KLF12: variants seen among roughly 807,000 people sequenced by gnomAD.
KLF12 encodes KLF transcription factor 12.
Under a neutral mutation model 37.8 loss-of-function variants are expected in KLF12, and 9 were observed. That is an observed-to-expected ratio of 0.24 (90% confidence interval 0.14 to 0.42). The LOEUF (loss-of-function observed/expected upper bound fraction) is 0.42, where lower values mean the gene tolerates loss of function less well. KLF12 is among the 10% of genes least tolerant of loss of function. The pLI, the probability that KLF12 is intolerant of heterozygous loss-of-function variation, is 1.00. For synonymous variants in KLF12, 208 were observed against 202.1 expected, an observed-to-expected ratio of 1.03 and a Z score of -0.25; for missense variants, 411 against 516.0, an observed-to-expected ratio of 0.80 and a Z score of 1.97.
chr13:74,197,859 C>T, the KLF12 span, among the ~76,000 whole-genome samples: 1 of 152,106 alleles, frequency 6.6e-6, no homozygotes, highest in South Asian at 2.1e-4. Context: ...GGCAGTCATC[C>T]CTCCAGGAGG....
the KLF12 span, among the ~76,000 whole-genome samples, chr13:74,154,410 T>C: frequency 7.9e-5 from 12 of 152,292 alleles, no homozygotes; most frequent in African/African-American, 2.9e-4. Flanking sequence ...ACATCTTTGT[T>C]CGATTTTTGT....
At chr13:73,758,243 T>C (rs1053651837) in intron 6 of KLF12, among the ~76,000 whole-genome samples, 2 of 152,050 alleles carry the variant, frequency 1.3e-5, no homozygotes, top group African/African-American at 4.8e-5. Context: ...AGGAAGAGGT[T>C]TGGGATGGAG....
At chr13:74,151,833 A>G in the KLF12 span, among the ~76,000 whole-genome samples, 1 of 152,234 alleles carries the variant, frequency 6.6e-6, no homozygotes, top group African/African-American at 2.4e-5. Context: ...GACATTAAGA[A>G]TAAAGATCAC....
intron 5 of KLF12, among the ~76,000 whole-genome samples, chr13:73,802,360 T>C (rs1004989258): frequency 1.3e-5 from 2 of 152,150 alleles, no homozygotes; most frequent in African/African-American, 4.8e-5. Flanking sequence ...AGTGTAATAG[T>C]TATTTTTGAC....
At chr13:73,844,278 G>C (rs1884902161) in intron 4 of KLF12, among the ~76,000 whole-genome samples, 1 of 152,090 alleles carries the variant, frequency 6.6e-6, no homozygotes, top group Non-Finnish European at 1.5e-5. Context: ...ATAAATATCT[G>C]ATTTGGCCTG....
intron 6 of KLF12, among the ~76,000 whole-genome samples, chr13:73,727,700 TTC>T (rs1876763361): frequency 6.6e-6 from 1 of 151,066 alleles, no homozygotes; most frequent in Non-Finnish European, 1.5e-5. Flanking sequence ...ATCAATTTCT[TTC>T]TTTTTTTTTT....
intron 3 of KLF12, among the ~76,000 whole-genome samples, chr13:73,900,642 A>C (rs1201506534): frequency 6.6e-6 from 1 of 152,116 alleles, no homozygotes; most frequent in Non-Finnish European, 1.5e-5. Context: ...AAAAAAAAAA[A>C]CTAATCGTGC....
intron 4 of KLF12, among the ~76,000 whole-genome samples, chr13:73,823,273 TA>T (rs544530659): frequency 8.0e-4 from 115 of 144,460 alleles, no homozygotes; most frequent in East Asian, 1.8e-3. Flanking sequence ...AAGAAATACT[TA>T]AAAAAAAAAA....
chr13:73,973,477 A>G (rs1368867351), intron 2 of KLF12, among the ~76,000 whole-genome samples: 3 of 152,182 alleles, frequency 2.0e-5, no homozygotes, highest in African/African-American at 7.2e-5. Context: ...CTTGCACAGA[A>G]TCCAGCCCAG....
chr13:73,814,144 C>A (rs912380501), intron 4 of KLF12, among the ~76,000 whole-genome samples: 4 of 152,202 alleles, frequency 2.6e-5, no homozygotes, highest in African/African-American at 9.6e-5. Context: ...TATCAGCCCT[C>A]GCTTCACGCA....
the KLF12 span, among the ~76,000 whole-genome samples, chr13:74,141,507 A>C: frequency 2.0e-5 from 3 of 152,194 alleles, no homozygotes; most frequent in Non-Finnish European, 2.9e-5. Context: ...AACCTAACTA[A>C]TGCCAGTTAA....
chr13:73,728,354 T>C (rs1876818869), intron 6 of KLF12, among the ~76,000 whole-genome samples: 1 of 152,378 alleles, frequency 6.6e-6, no homozygotes, highest in East Asian at 1.9e-4. Context: ...TAATACTTTT[T>C]GGGAGGCGCC....
chr13:73,890,156 T>C (rs1887432499), intron 3 of KLF12, among the ~76,000 whole-genome samples: 3 of 152,148 alleles, frequency 2.0e-5, no homozygotes. Flanking sequence ...TAATTACTGA[T>C]TTCCTCTGAT....
rs1555308731 is a variant in KLF12, at chr13:73,810,982, C to CTTTCTTTTTTTTTTT, written c.806+2169_806+2170insAAAAAAAAAAAGAAA. On this transcript the variant is annotated intron_variant, in intron 5 of 7. Coordinates refer to ENST00000377669, the MANE Select transcript of KLF12 (RefSeq NM_007249.5). ...ATGTTTATTTTTTTAATTTTTCTTT[C>CTTTCTTTTTTTTTTT]TTTTTTTTTTTTTTTTTTTTTTTTT... Among the ~76,000 whole-genome samples, 43 of 44,818 alleles carry CTTTCTTTTTTTTTTT rather than the reference C, an allele frequency of 9.6e-4. 3 individuals are homozygous for CTTTCTTTTTTTTTTT. Among genetic ancestry groups the CTTTCTTTTTTTTTTT allele is most frequent in the African/African-American group, 1.4e-3 (17 of 11,872 alleles). 29.4% of individuals were successfully genotyped at this position (44,818 alleles called of 152,430 possible). A position where few individuals can be genotyped will look rare whatever the true frequency, so the allele number is the denominator to read the frequency against.
At chr13:74,112,724 A>T (rs1429613633) in intron 1 of KLF12, among the ~76,000 whole-genome samples, 3 of 152,102 alleles carry the variant, frequency 2.0e-5, no homozygotes, top group African/African-American at 7.2e-5. Context: ...ACTTAACAAC[A>T]CTAAAATTGG....
At chr13:74,003,843 T>C (rs943664809) in intron 1 of KLF12, among the ~76,000 whole-genome samples, 1 of 152,166 alleles carries the variant, frequency 6.6e-6, no homozygotes, top group African/African-American at 2.4e-5. Flanking sequence ...TCCAAAAAAT[T>C]AAATAATTTT....
At chr13:73,770,618 G>A (rs1030948258) in intron 5 of KLF12, among the ~76,000 whole-genome samples, 3 of 151,670 alleles carry the variant, frequency 2.0e-5, no homozygotes, top group Admixed American at 6.6e-5. Context: ...TGCCTCCCTG[G>A]CTCAAGCAAT....
chr13:74,200,815 A>G, the KLF12 span, among the ~76,000 whole-genome samples: 4 of 152,076 alleles, frequency 2.6e-5, no homozygotes, highest in Admixed American at 6.6e-5. Context: ...CAGTTTTTTA[A>G]TTGCAAACCC....
the KLF12 span, among the ~76,000 whole-genome samples, chr13:74,196,583 T>G: frequency 2.0e-5 from 3 of 152,142 alleles, no homozygotes; most frequent in African/African-American, 7.2e-5. Context: ...GATGGTAGGT[T>G]TCATTAAATA....
Sources: gnomAD v4.1 joint callset for allele counts (sites outside exome capture counted in the v4.1 genomes callset) on GRCh38, gnomAD v4.1.1 for gene constraint, MANE v1.5 for transcripts, NCBI Gene and HGNC (gene_info 2026-07-23, HGNC 2026-07-21) for gene names.